The following VPS13A variants were observed in gnomAD, a reference collection of about 807,000 sequenced individuals.
The protein encoded by VPS13A is vacuolar protein sorting 13 homolog A.
VPS13A carries 264 observed loss-of-function variants against 390.9 expected under a neutral mutation model. The observed-to-expected ratio is 0.68, with a 90% CI of 0.61 to 0.75. The LOEUF (loss-of-function observed/expected upper bound fraction) is 0.75, where lower values mean the gene tolerates loss of function less well. Ranked by LOEUF, VPS13A falls within the 30% of genes least tolerant of loss-of-function variation. VPS13A has a pLI of 0.00. For missense variants in VPS13A, 3,409 were observed against 3,733.9 expected (o/e 0.91, Z 2.27); for synonymous variants, 1,231 against 1,227.1 (o/e 1.00, Z -0.07).
At chr9:77,275,227 G>T (rs1826579494) in intron 24 of VPS13A, among the ~76,000 whole-genome samples, 1 of 152,008 alleles carries the variant, frequency 6.6e-6, no homozygotes, top group South Asian at 2.1e-4. Context: ...CAAAAGATGG[G>T]CTTCTTAAGC....
At chr9:77,254,754 A>T (rs1327541604) in intron 22 of VPS13A, among the ~76,000 whole-genome samples, 2 of 152,016 alleles carry the variant, frequency 1.3e-5, no homozygotes, top group Admixed American at 1.3e-4. Context: ...TCTTAAGTTT[A>T]TTCTTTGTGA....
intron 35 of VPS13A, among the ~76,000 whole-genome samples, chr9:77,309,452 C>T (rs117089140): frequency 1.3e-5 from 2 of 152,130 alleles, no homozygotes; most frequent in Non-Finnish European, 2.9e-5. Context: ...TGTTCCAAGA[C>T]CCGTCGATGC....
chr9:77,389,698 T>C (rs1048959121), intron 68 of VPS13A: 1 of 152,184 alleles, frequency 6.6e-6, no homozygotes, highest in Non-Finnish European at 1.5e-5. Flanking sequence ...TTTCTTCCCT[T>C]TAAGTAAATC....
At chr9:77,339,000 G>A (rs563512004) in intron 47 of VPS13A, 1 of 166,388 alleles carries the variant, frequency 6.0e-6, no homozygotes, top group South Asian at 1.7e-4. Flanking sequence ...ATAGAAGGGA[G>A]GGTCGAGGGA....
intron 46 of VPS13A, among the ~76,000 whole-genome samples, chr9:77,336,794 T>A: frequency 6.7e-6 from 1 of 150,016 alleles, no homozygotes. Context: ...TGATATCTAT[T>A]TATCTATCTT....
Position 77,221,362 on chromosome 9 carries a change from C to T in VPS13A, c.1161+6C>T. The T allele has an allele frequency of 6.2e-7, 1 of 1,611,982 alleles. No homozygotes were observed. The highest frequency in any genetic ancestry group is 2.2e-5 in the East Asian group (1 of 44,814). ...AACTTCTCGTGTCTTTGGAGGTTAG[C>T]ATTTAAAATGAAATTGTTGAGTGTT... On this transcript the variant is annotated splice_donor_region_variant and intron_variant, in intron 13 of 71. Coordinates refer to ENST00000360280, the MANE Select transcript of VPS13A (RefSeq NM_033305.3).
chr9:77,205,145 C>T (rs1190078491), intron 3 of VPS13A, among the ~76,000 whole-genome samples, 168 bp from the exon 4 acceptor site: 1 of 152,104 alleles, frequency 6.6e-6, no homozygotes, highest in South Asian at 2.1e-4. Context: ...TTACAACAAA[C>T]ACTTGTTGTT....
chr9:77,384,012 TA>T, intron 68 of VPS13A, among the ~76,000 whole-genome samples: 1 of 151,198 alleles, frequency 6.6e-6, no homozygotes, highest in Middle Eastern at 3.4e-3. Context: ...AGCAAACACT[TA>T]AAAAATATGT....
intron 17 of VPS13A, among the ~76,000 whole-genome samples, chr9:77,236,421 A>C (rs1334585046): frequency 6.6e-6 from 1 of 152,080 alleles, no homozygotes; most frequent in African/African-American, 2.4e-5. Context: ...TGATGTTTTG[A>C]GTGGTATAAT....
At chr9:77,196,841 C>A (rs564411335) in intron 1 of VPS13A, among the ~76,000 whole-genome samples, 1 of 152,170 alleles carries the variant, frequency 6.6e-6, no homozygotes, top group East Asian at 1.9e-4. Context: ...GATTTCATTT[C>A]TTTGGGATAT....
At chr9:77,305,009 G>A (rs1005440897) in intron 34 of VPS13A, among the ~76,000 whole-genome samples, 6 of 150,890 alleles carry the variant, frequency 4.0e-5, no homozygotes, top group African/African-American at 1.5e-4. Context: ...TGCAATCTCA[G>A]CTCACTGCAA....
chr9:77,178,001 T>C, intron 1 of VPS13A, 197 bp downstream of exon 1: 1 of 570,442 alleles, frequency 1.8e-6, no homozygotes, highest in South Asian at 2.0e-5. Flanking sequence ...TGTTTATATT[T>C]TGGGGGAAAG....
intron 46 of VPS13A, among the ~76,000 whole-genome samples, chr9:77,335,618 G>A (rs1830500703): frequency 6.6e-6 from 1 of 152,174 alleles, no homozygotes; most frequent in South Asian, 2.1e-4. Context: ...ATCATTACTG[G>A]TCATTAGAGA....
chr9:77,358,448 T>C lies in VPS13A; in HGVS notation c.8035+10T>C. On this transcript the variant is annotated intron_variant, in intron 57 of 71. Coordinates refer to ENST00000360280, the MANE Select transcript of VPS13A (RefSeq NM_033305.3). Reference sequence around the variant, plus strand: ...GTCACCATGGATTCAGGTTTGTTTTTATTTTTAGATTTCCATAAAAGCAGT... The same window carrying C: ...GTCACCATGGATTCAGGTTTGTTTTCATTTTTAGATTTCCATAAAAGCAGT... The C allele has an allele frequency of 1.9e-6, 3 of 1,604,938 alleles. No individual in the cohort carries two copies. Among genetic ancestry groups the C allele is most frequent in the Non-Finnish European group, 1.7e-6 (2 of 1,172,550 alleles).
chr9:77,182,219 G>T (rs1245212787), intron 1 of VPS13A, among the ~76,000 whole-genome samples: 1 of 152,024 alleles, frequency 6.6e-6, no homozygotes, highest in Non-Finnish European at 1.5e-5. Flanking sequence ...TCAGCCTCCC[G>T]AGTAGCTGGG....
At chr9:77,196,567 G>T (rs1825015225) in intron 1 of VPS13A, among the ~76,000 whole-genome samples, 2 of 152,034 alleles carry the variant, frequency 1.3e-5, no homozygotes, top group South Asian at 4.2e-4. Flanking sequence ...TTTCACACGT[G>T]AAATCATGCA....
intron 68 of VPS13A, among the ~76,000 whole-genome samples, chr9:77,391,522 A>G (rs1014334770): frequency 2.6e-5 from 4 of 152,188 alleles, no homozygotes; most frequent in African/African-American, 9.6e-5. Context: ...TTAAATTCAA[A>G]TGAAATTGAT....
rs1037247092 is a variant in VPS13A, at chr9:77,326,794, A to G, written c.5991+3567A>G. 4.6e-5 allele frequency among the ~76,000 whole-genome samples: 7 copies of G among 152,146 alleles called. 1 individual carries two copies. Among genetic ancestry groups the G allele is most frequent in the Admixed American group, 3.3e-4 (5 of 15,270 alleles). ...TATTGGTTACCTAAAACTACTGTAT[A>G]TATCAGAACCAGACTTCATTCTTCC... On this transcript the variant is annotated intron_variant, in intron 45 of 71. Transcript: ENST00000360280.
In VPS13A at chr9:77,319,692, A is replaced by G. The variant is rs779471002; in HGVS notation, c.5415+19A>G. On this transcript the variant is annotated intron_variant, in intron 42 of 71. Transcript: ENST00000360280. ...TATCAAGGTATATCTATATATGTCT[A>G]TGTGTGTATATATATATATATGTAT... 2 of 1,250,320 alleles carry G rather than the reference A, an allele frequency of 1.6e-6. No homozygotes were observed. Among genetic ancestry groups the G allele is most frequent in the East Asian group, 4.9e-5 (2 of 40,796 alleles). 77.5% of individuals were successfully genotyped at this position (1,250,320 alleles called of 1,614,324 possible).
Sources: allele counts gnomAD v4.1 joint callset (sites outside exome capture counted in the v4.1 genomes callset), GRCh38; gene constraint gnomAD v4.1.1; transcripts MANE v1.5; gene names NCBI Gene and HGNC (gene_info 2026-07-23, HGNC 2026-07-21).